Variants in ANKRD13C observed in about 807,000 individuals in gnomAD.
ANKRD13C encodes ankyrin repeat domain 13C.
In ANKRD13C, 16 loss-of-function variants were observed where a neutral mutation model predicts 65.5. The observed-to-expected ratio is 0.24, with a 90% confidence interval of 0.17 to 0.37. The LOEUF (loss-of-function observed/expected upper bound fraction) is 0.37. Ranked by LOEUF, ANKRD13C falls within the 10% of genes least tolerant of loss-of-function variation. ANKRD13C has a pLI of 1.00. For missense variants in ANKRD13C, 503 were observed against 655.9 expected (o/e 0.77, Z 2.55); for synonymous variants, 235 against 238.7 (o/e 0.98, Z 0.14).
At chr1:70,320,274 G>A (rs1681248685) in intron 3 of ANKRD13C, among the ~76,000 whole-genome samples, 1 of 152,056 alleles carries the variant, frequency 6.6e-6, no homozygotes, top group African/African-American at 2.4e-5. Flanking sequence ...ATTTTATGTA[G>A]AGAATAATAT....
At chr1:70,319,610 A>AAAAAAAAAAAAAAAG (rs1681220621) in intron 3 of ANKRD13C, among the ~76,000 whole-genome samples, 1 of 151,092 alleles carries the variant, frequency 6.6e-6, no homozygotes, top group Non-Finnish European at 1.5e-5. Context: ...TCCATCTCAA[A>AAAAAAAAAAAAAAAG]AAAAAAAAGA....
chr1:70,285,438 G>A (rs940390309), intron 9 of ANKRD13C, among the ~76,000 whole-genome samples: 2 of 151,794 alleles, frequency 1.3e-5, no homozygotes, highest in Admixed American at 6.6e-5. Flanking sequence ...CAAGTGATCC[G>A]GTCGCCTCAG....
chr1:70,336,509 T>C (rs1471822486), intron 1 of ANKRD13C, among the ~76,000 whole-genome samples: 1 of 151,960 alleles, frequency 6.6e-6, no homozygotes, highest in Non-Finnish European at 1.5e-5. Context: ...AATATGAAAA[T>C]AAATAATAAT....
At chr1:70,339,672 T>C (rs1275692942) in intron 1 of ANKRD13C, among the ~76,000 whole-genome samples, 2 of 151,994 alleles carry the variant, frequency 1.3e-5, no homozygotes, top group Non-Finnish European at 2.9e-5. Flanking sequence ...TAGCATTGTT[T>C]ATCTCTTTTC....
chr1:70,305,662 T>C (rs1301818948), intron 6 of ANKRD13C: 2 of 152,204 alleles, frequency 1.3e-5, no homozygotes, highest in Non-Finnish European at 2.9e-5. Context: ...GTTAAATAGA[T>C]GTATTTTCTA....
intron 1 of ANKRD13C, among the ~76,000 whole-genome samples, chr1:70,345,463 A>G (rs1050503698): frequency 6.6e-6 from 1 of 152,298 alleles, no homozygotes; most frequent in East Asian, 1.9e-4. Context: ...TGAAATCTAA[A>G]ATCATATAAA....
chr1:70,329,171 G>A (rs1021508925), intron 2 of ANKRD13C, among the ~76,000 whole-genome samples: 2 of 152,120 alleles, frequency 1.3e-5, no homozygotes, highest in African/African-American at 2.4e-5. Context: ...ATGCTTTTAT[G>A]TATCTATGTA....
At chr1:70,334,153 A>C (rs1681919855) in intron 2 of ANKRD13C, among the ~76,000 whole-genome samples, 1 of 152,064 alleles carries the variant, frequency 6.6e-6, no homozygotes, top group African/African-American at 2.4e-5. Context: ...GCGAGACCTC[A>C]TTTCTAAAAA....
intron 5 of ANKRD13C, among the ~76,000 whole-genome samples, chr1:70,311,213 C>T (rs1275961520): frequency 6.6e-6 from 1 of 152,050 alleles, no homozygotes; most frequent in Non-Finnish European, 1.5e-5. Context: ...AAAATGATGG[C>T]TGGGTGTAGT....
chr1:70,309,731 A>AT (rs1467889903), intron 5 of ANKRD13C, among the ~76,000 whole-genome samples: 7,640 of 143,232 alleles, frequency 0.053, 149 homozygotes, highest in Admixed American at 0.094. Flanking sequence ...AAAAAAAAAA[A>AT]AAATAATAAT....
At chr1:70,330,382 AC>A (rs1455813526) in intron 2 of ANKRD13C, among the ~76,000 whole-genome samples, 1 of 151,832 alleles carries the variant, frequency 6.6e-6, no homozygotes, top group South Asian at 2.1e-4. Flanking sequence ...ACATGGCAAA[AC>A]CCTGTCTCTA....
Position 70,297,291 on chromosome 1 carries a change from T to G in ANKRD13C, c.922-1030A>C, listed in dbSNP as rs1453856797. On this transcript the variant is annotated intron_variant, in intron 7 of 12. Coordinates refer to ENST00000370944, the MANE Select transcript of ANKRD13C (RefSeq NM_030816.5). ...CCTACATAGAGTCCCTTTCTGATTT[T>G]TTTTTTTTTTTTTTTTTTTTGAGAC... Among the ~76,000 whole-genome samples, 7 of 137,568 alleles carry G rather than the reference T, an allele frequency of 5.1e-5. No individual in the cohort carries two copies. The East Asian group carries it at 6.6e-4, about 13-fold the overall frequency. 90.2% of individuals were successfully genotyped at this position (137,568 alleles called of 152,430 possible). A position where few individuals can be genotyped will look rare whatever the true frequency, so the allele number is the denominator to read the frequency against.
At chr1:70,266,457 T>G (rs931301390) in intron 12 of ANKRD13C, among the ~76,000 whole-genome samples, 5 of 152,254 alleles carry the variant, frequency 3.3e-5, no homozygotes, top group Admixed American at 2.6e-4. Context: ...TGTGTGTGTG[T>G]GAACATACTC....
intron 3 of ANKRD13C, 69 bp from the exon 4 acceptor site, chr1:70,315,635 T>G: frequency 1.6e-6 from 2 of 1,218,496 alleles, no homozygotes; most frequent in Non-Finnish European, 1.2e-6. Flanking sequence ...ACTGGCTTAT[T>G]ATACATATAG....
At chr1:70,347,853 G>A (rs1419529497) in intron 1 of ANKRD13C, among the ~76,000 whole-genome samples, 1 of 152,108 alleles carries the variant, frequency 6.6e-6, no homozygotes, top group Non-Finnish European at 1.5e-5. Context: ...CAGGTAAGGG[G>A]TATAACACAC....
intron 9 of ANKRD13C, among the ~76,000 whole-genome samples, chr1:70,286,373 A>G (rs1334051724): frequency 6.6e-6 from 1 of 152,186 alleles, no homozygotes; most frequent in Non-Finnish European, 1.5e-5. Flanking sequence ...TATAATCTTA[A>G]AAGGATTACT....
At chr1:70,343,290 A>G (rs940780533) in intron 1 of ANKRD13C, among the ~76,000 whole-genome samples, 2 of 152,206 alleles carry the variant, frequency 1.3e-5, no homozygotes, top group African/African-American at 4.8e-5. Flanking sequence ...TTCACCAACT[A>G]TATCATAAAA....
intron 8 of ANKRD13C, among the ~76,000 whole-genome samples, chr1:70,295,890 A>G (rs1680062962): frequency 6.6e-6 from 1 of 152,212 alleles, no homozygotes; most frequent in African/African-American, 2.4e-5. Context: ...CAAGACAGCT[A>G]GCAATAAGAG....
intron 11 of ANKRD13C, among the ~76,000 whole-genome samples, chr1:70,274,473 CAAAA>C (rs769480539): frequency 2.1e-4 from 8 of 38,680 alleles, no homozygotes; most frequent in Admixed American, 2.8e-4. Flanking sequence ...GACTCCATCT[CAAAA>C]AAAAAAAAAA....
Sources: gnomAD v4.1 joint callset for allele counts (sites outside exome capture counted in the v4.1 genomes callset) on GRCh38, gnomAD v4.1.1 for gene constraint, MANE v1.5 for transcripts, NCBI Gene and HGNC (gene_info 2026-07-23, HGNC 2026-07-21) for gene names.